The following SLC9B1 variants were observed in gnomAD, a reference collection of about 807,000 sequenced individuals.
SLC9B1 encodes the protein sodium/hydrogen exchanger 9B1.
Under a neutral mutation model 51.7 loss-of-function variants are expected in SLC9B1, and 32 were observed. That is an observed-to-expected ratio of 0.62 (90% CI 0.47 to 0.83). The LOEUF (loss-of-function observed/expected upper bound fraction) is 0.83. SLC9B1 is among the 40% of genes least tolerant of loss of function. The pLI is 0.00. For synonymous variants in SLC9B1, 145 were observed against 212.7 expected (o/e 0.68, Z 2.77); for missense variants, 406 against 613.2 (o/e 0.66, Z 3.57).
At chr4:102,943,007 A>C (rs1560942126) in intron 6 of SLC9B1, among the ~76,000 whole-genome samples, 1 of 152,022 alleles carries the variant, frequency 6.6e-6, no homozygotes, top group African/African-American at 2.4e-5. Flanking sequence ...CCTATCAAAA[A>C]GTGTGCTAAG....
At chr4:103,017,324 G>C (rs76444907) in intron 1 of SLC9B1, among the ~76,000 whole-genome samples, 1 of 152,160 alleles carries the variant, frequency 6.6e-6, no homozygotes, top group East Asian at 1.9e-4. Context: ...CACATAATAG[G>C]CAGAACAAAC....
intron 3 of SLC9B1, among the ~76,000 whole-genome samples, chr4:102,976,086 T>C (rs1578394937): frequency 6.6e-6 from 1 of 152,072 alleles, no homozygotes; most frequent in South Asian, 2.1e-4. Context: ...TGCCTCAGAA[T>C]TAGAAAAAAA....
At chr4:102,987,964 G>C (rs7659535) in intron 3 of SLC9B1, among the ~76,000 whole-genome samples, 1,883 of 152,242 alleles carry the variant, frequency 0.012, 37 homozygotes, top group African/African-American at 0.042. Flanking sequence ...TTTTAGGACA[G>C]AGTGATGACT....
intron 11 of SLC9B1, among the ~76,000 whole-genome samples, chr4:102,893,008 G>A (rs1215776978): frequency 2.6e-5 from 4 of 152,080 alleles, no homozygotes; most frequent in Non-Finnish European, 5.9e-5. Flanking sequence ...GCCAGGTGCG[G>A]TGGCTCACAC....
intron 11 of SLC9B1, chr4:102,892,034 A>G (rs190764358): frequency 2.8e-4 from 42 of 152,290 alleles, no homozygotes; most frequent in African/African-American, 9.6e-4. Flanking sequence ...ATATTTGATC[A>G]TGTTCAGCAA....
At chr4:102,923,670 T>A (rs1302235427) in intron 7 of SLC9B1, among the ~76,000 whole-genome samples, 9 of 132,404 alleles carry the variant, frequency 6.8e-5, no homozygotes. Flanking sequence ...AACCCCATCA[T>A]CTCAGCCCAA....
chr4:102,969,957 G>T (rs763460640), intron 3 of SLC9B1, among the ~76,000 whole-genome samples: 3 of 151,966 alleles, frequency 2.0e-5, no homozygotes, highest in Non-Finnish European at 4.4e-5. Context: ...AAAAAAAAAC[G>T]AACAAAGCCT....
chr4:102,928,771 G>A (rs1332584842), intron 7 of SLC9B1, among the ~76,000 whole-genome samples: 1 of 152,102 alleles, frequency 6.6e-6, no homozygotes, highest in Admixed American at 6.6e-5. Context: ...GGCTCAGTCC[G>A]AGTCCCAAAA....
At chr4:102,987,770 T>C (rs77509407) in intron 3 of SLC9B1, among the ~76,000 whole-genome samples, 2,589 of 152,276 alleles carry the variant, frequency 0.017, 70 homozygotes, top group African/African-American at 0.056. Context: ...AAGTTTTAAA[T>C]TACAATTCAG....
chr4:103,011,830 C>T (rs1000544922), intron 1 of SLC9B1, among the ~76,000 whole-genome samples: 1 of 152,116 alleles, frequency 6.6e-6, no homozygotes, highest in Non-Finnish European at 1.5e-5. Context: ...CCCATGGACA[C>T]CCTGGGCCCC....
chr4:102,981,318 T>A (rs1739346039), intron 3 of SLC9B1, among the ~76,000 whole-genome samples: 1 of 152,180 alleles, frequency 6.6e-6, no homozygotes. Flanking sequence ...TCCATGTTTA[T>A]GTGCAGGTTT....
intron 10 of SLC9B1, 43 bp downstream of exon 10, chr4:102,906,489 TTAAA>T (rs1247538283): frequency 3.2e-5 from 30 of 945,468 alleles, no homozygotes; most frequent in Non-Finnish European, 4.4e-5. Flanking sequence ...TATAATTTTC[TTAAA>T]TATTTTTGAA....
At chr4:102,907,769 G>A (rs1461489611) in intron 9 of SLC9B1, among the ~76,000 whole-genome samples, 1 of 152,022 alleles carries the variant, frequency 6.6e-6, no homozygotes, top group African/African-American at 2.4e-5. Context: ...CCTTATGACT[G>A]TGTTTTCTGA....
chr4:102,914,765 AATGT>A (rs113136984), intron 7 of SLC9B1, among the ~76,000 whole-genome samples: 3 of 152,334 alleles, frequency 2.0e-5, no homozygotes, highest in African/African-American at 7.2e-5. Context: ...CAAGCAGACC[AATGT>A]ATGTATTATG....
intron 3 of SLC9B1, among the ~76,000 whole-genome samples, chr4:102,971,725 A>C (rs1738770711): frequency 1.3e-5 from 2 of 152,162 alleles, no homozygotes; most frequent in African/African-American, 4.8e-5. Context: ...AGATCAACAA[A>C]ATTGATAGAC....
chr4:103,001,038 T>C (rs1740498712), intron 1 of SLC9B1, among the ~76,000 whole-genome samples: 2 of 152,226 alleles, frequency 1.3e-5, no homozygotes, highest in South Asian at 4.1e-4. Context: ...AGGTGGAGGT[T>C]TGCAAAGCTC....
chr4:102,924,456 A>G (rs1180611605), intron 7 of SLC9B1, among the ~76,000 whole-genome samples: 1 of 152,230 alleles, frequency 6.6e-6, no homozygotes, highest in African/African-American at 2.4e-5. Flanking sequence ...TAAAAACCCT[A>G]GAAGAATACC....
intron 3 of SLC9B1, among the ~76,000 whole-genome samples, chr4:102,988,702 C>A (rs1739790620): frequency 6.6e-6 from 1 of 151,944 alleles, no homozygotes; most frequent in Non-Finnish European, 1.5e-5. Context: ...ATATGCACCC[C>A]TAAATAGAAA....
intron 1 of SLC9B1, among the ~76,000 whole-genome samples, chr4:103,013,357 T>A (rs1304284890): frequency 6.6e-6 from 1 of 152,246 alleles, no homozygotes; most frequent in Non-Finnish European, 1.5e-5. Flanking sequence ...AATTCTCACA[T>A]CATTTTGTTA....
Sources: allele counts gnomAD v4.1 joint callset (sites outside exome capture counted in the v4.1 genomes callset), GRCh38; gene constraint gnomAD v4.1.1; transcripts MANE v1.5; gene names NCBI Gene and HGNC (gene_info 2026-07-23, HGNC 2026-07-21).